CASK: variants seen among roughly 807,000 people sequenced by gnomAD.
CASK encodes the protein calcium/calmodulin dependent serine protein kinase, also known as peripheral plasma membrane protein CASK.
In CASK, 4 loss-of-function variants were observed where a neutral mutation model predicts 82.9. The observed-to-expected ratio is 0.05, with a 90% CI of 0.02 to 0.11. The LOEUF (loss-of-function observed/expected upper bound fraction) is 0.11, where lower values mean the gene tolerates loss of function less well. Among genes scored for constraint, CASK ranks in the 10% least tolerant of loss-of-function variants. CASK has a pLI of 1.00. For missense variants in CASK, 358 were observed against 720.9 expected (o/e 0.50, Z 5.76); for synonymous variants, 259 against 253.5 (o/e 1.02, Z -0.20).
At chrX:41,609,859 T>C (rs757730029) in intron 12 of CASK, 45 bp downstream of exon 12, 1 of 1,195,618 alleles carries the variant, frequency 8.4e-7, no homozygotes, top group African/African-American at 1.8e-5. Context: ...GCCCGGCCAA[T>C]ATTCAATTCA....
At chrX:41,660,638 A>G (rs2067017096) in intron 7 of CASK, 77 bp from the exon 8 acceptor site, 1 of 999,731 alleles carries the variant, frequency 1.0e-6, no homozygotes, top group African/African-American at 1.9e-5. Context: ...ATATTCCTAT[A>G]TTGCTTCAAT....
chrX:41,564,952 A>T (rs1454397657), intron 16 of CASK, among the ~76,000 whole-genome samples: 1 of 112,150 alleles, frequency 8.9e-6, no homozygotes, highest in Non-Finnish European at 1.9e-5. Context: ...GCTCAACTAC[A>T]TGGAAACTGA....
chrX:41,800,490 T>A (rs1361705703), intron 2 of CASK, among the ~76,000 whole-genome samples: 1 of 110,874 alleles, frequency 9.0e-6, no homozygotes, highest in African/African-American at 3.3e-5. Flanking sequence ...TATTTTTATT[T>A]TTTCTTTTCT....
chrX:41,537,928 G>A (rs981381741), intron 22 of CASK, among the ~76,000 whole-genome samples: 11 of 108,372 alleles, frequency 1.0e-4, no homozygotes, highest in Non-Finnish European at 2.1e-4. Context: ...TGCAGCCTCC[G>A]CGGACCTCCC....
intron 1 of CASK, among the ~76,000 whole-genome samples, chrX:41,870,825 G>A (rs1254085451): frequency 4.5e-5 from 5 of 111,960 alleles, no homozygotes; most frequent in Admixed American, 1.9e-4. Context: ...GGAGGGCATG[G>A]TCTCTGTTTG....
At chrX:41,916,108 C>T (rs540159403) in intron 1 of CASK, among the ~76,000 whole-genome samples, 4 of 111,556 alleles carry the variant, frequency 3.6e-5, no homozygotes, top group African/African-American at 9.8e-5. Context: ...ACCCAGGAGG[C>T]GGAGGTTGTA....
chrX:41,898,848 T>C (rs146749892), intron 1 of CASK, among the ~76,000 whole-genome samples: 168 of 112,050 alleles, frequency 1.5e-3, no homozygotes, highest in African/African-American at 5.3e-3. Context: ...GCCTAACATA[T>C]CATCTATCCT....
chrX:41,548,576 A>G (rs945899274), intron 21 of CASK, among the ~76,000 whole-genome samples: 1 of 111,914 alleles, frequency 8.9e-6, no homozygotes, highest in African/African-American at 3.2e-5. Flanking sequence ...GCGAACTCTC[A>G]GTAATAGTAT....
At chrX:41,707,643 A>C (rs1353271146) in intron 5 of CASK, among the ~76,000 whole-genome samples, 2 of 111,984 alleles carry the variant, frequency 1.8e-5, no homozygotes, top group Non-Finnish European at 3.8e-5. Context: ...CAAAAAAGAC[A>C]ATGCCTTGAG....
chrX:41,718,448 G>C (rs2068101115), intron 5 of CASK, among the ~76,000 whole-genome samples: 1 of 111,800 alleles, frequency 8.9e-6, no homozygotes, highest in African/African-American at 3.2e-5. Flanking sequence ...GAAGTCTTGG[G>C]GACTCAGCCT....
intron 3 of CASK, among the ~76,000 whole-genome samples, chrX:41,783,252 A>G (rs1000347213): frequency 8.9e-6 from 1 of 112,297 alleles, no homozygotes; most frequent in East Asian, 2.8e-4. Context: ...ATTAAACCAG[A>G]TAAGTAATTT....
chrX:41,841,158 G>A (rs143397667), intron 2 of CASK, among the ~76,000 whole-genome samples: 4 of 112,049 alleles, frequency 3.6e-5, no homozygotes, highest in African/African-American at 1.3e-4. Flanking sequence ...ATTCCCAATA[G>A]CAATTTATGA....
intron 2 of CASK, among the ~76,000 whole-genome samples, chrX:41,833,121 A>G (rs1379130232): frequency 8.9e-6 from 1 of 112,068 alleles, no homozygotes; most frequent in Non-Finnish European, 1.9e-5. Context: ...CGCCAAGAGT[A>G]TGAGTTTGGG....
At chrX:41,756,754 G>C (rs1284925242) in intron 3 of CASK, among the ~76,000 whole-genome samples, 1 of 111,952 alleles carries the variant, frequency 8.9e-6, no homozygotes, top group Non-Finnish European at 1.9e-5. Context: ...TTTTACTTAC[G>C]AGAAAACTGA....
intron 4 of CASK, among the ~76,000 whole-genome samples, chrX:41,744,194 A>G (rs771351101): frequency 3.6e-5 from 4 of 110,711 alleles, no homozygotes; most frequent in Non-Finnish European, 7.6e-5. Context: ...CTGGTGACTA[A>G]GGAGGGATGC....
chrX:41,693,252 C>T (rs533131764), intron 5 of CASK, among the ~76,000 whole-genome samples: 3 of 111,200 alleles, frequency 2.7e-5, no homozygotes, highest in African/African-American at 6.5e-5. Flanking sequence ...CCTGGTAATG[C>T]AGGTTGCATT....
At chrX:41,639,923 T>C (rs1045189109) in intron 8 of CASK, among the ~76,000 whole-genome samples, 3 of 112,264 alleles carry the variant, frequency 2.7e-5, no homozygotes, top group Non-Finnish European at 3.8e-5. Flanking sequence ...CATTCCTTTT[T>C]AACACTGAGT....
chrX:41,742,586 G>T (rs1202668639), intron 4 of CASK, among the ~76,000 whole-genome samples: 1 of 111,859 alleles, frequency 8.9e-6, no homozygotes, highest in East Asian at 2.8e-4. Flanking sequence ...AGCTCAGCCA[G>T]TTGGAGAAAA....
intron 6 of CASK, among the ~76,000 whole-genome samples, chrX:41,669,225 A>G (rs1270017268): frequency 2.7e-5 from 3 of 111,984 alleles, no homozygotes; most frequent in Non-Finnish European, 5.6e-5. Flanking sequence ...GGAGAAAAAT[A>G]CATTTTGAAT....
Sources: gnomAD v4.1 joint callset for allele counts (sites outside exome capture counted in the v4.1 genomes callset) on GRCh38, gnomAD v4.1.1 for gene constraint, MANE v1.5 for transcripts, NCBI Gene and HGNC (gene_info 2026-07-23, HGNC 2026-07-21) for gene names.